Variants in CRB1 observed in about 807,000 individuals in gnomAD.
CRB1 encodes the protein crumbs cell polarity complex component 1.
In CRB1, 83 loss-of-function variants were observed where a neutral mutation model predicts 120.0. The ratio of observed to expected loss-of-function variants is 0.69; its 90% CI spans 0.58 to 0.83. The LOEUF is 0.83. CRB1 is among the 40% of genes least tolerant of loss of function. The pLI is 0.00. For synonymous variants in CRB1, 625 were observed against 612.5 expected, an observed-to-expected ratio of 1.02 and a Z score of -0.30; for missense variants, 1,699 against 1,687.6, an observed-to-expected ratio of 1.01 and a Z score of -0.12.
At chr1:197,363,837 C>A in intron 5 of CRB1, 1 of 825,492 alleles carries the variant, frequency 1.2e-6, no homozygotes, top group South Asian at 1.4e-5. Context: ...ATCTGAAGTT[C>A]ATCACCAGGA....
chr1:197,321,397 A>C (rs1658186090), intron 1 of CRB1, among the ~76,000 whole-genome samples: 1 of 152,258 alleles, frequency 6.6e-6, no homozygotes, highest in African/African-American at 2.4e-5. Flanking sequence ...CAGTAACCAC[A>C]GTAACCTAGG....
chr1:197,319,651 C>T (rs1309099575), intron 1 of CRB1, among the ~76,000 whole-genome samples: 2 of 151,890 alleles, frequency 1.3e-5, no homozygotes, highest in African/African-American at 2.4e-5. Context: ...TGTAATGTGT[C>T]ATCATTTCTC....
intron 11 of CRB1, among the ~76,000 whole-genome samples, chr1:197,450,183 C>T (rs768317735): frequency 7.2e-5 from 11 of 152,140 alleles, no homozygotes; most frequent in Non-Finnish European, 1.6e-4. Flanking sequence ...AAGGGTTACT[C>T]TAGTAGAAGC....
In CRB1 at chr1:197,367,291, G is replaced by A. The variant is rs536764904; in HGVS notation, c.1171+10278G>A. Among the ~76,000 whole-genome samples, 7 of 152,222 alleles carry A rather than the reference G, an allele frequency of 4.6e-5. No individual in the cohort carries two copies. The East Asian group carries it at 1.4e-3, about 29-fold the overall frequency. ...GAGAGTACATGGTCTCTTCCCAAGG[G>A]AAAATGAAAGAACAAGAGGAAAATG... On this transcript the variant is annotated intron_variant, in intron 5 of 11. Coordinates refer to ENST00000367400, the MANE Select transcript of CRB1 (RefSeq NM_201253.3).
At chr1:197,448,045 A>G (rs917897139) in intron 11 of CRB1, among the ~76,000 whole-genome samples, 1 of 152,056 alleles carries the variant, frequency 6.6e-6, no homozygotes, top group Non-Finnish European at 1.5e-5. Flanking sequence ...AAATCTTACA[A>G]ATCAATCTTT....
chr1:197,385,489 G>A (rs374769385), intron 5 of CRB1, among the ~76,000 whole-genome samples: 1 of 152,040 alleles, frequency 6.6e-6, no homozygotes. Context: ...CTCCTCCAGA[G>A]TCTTTCTCCT....
intron 5 of CRB1, among the ~76,000 whole-genome samples, chr1:197,385,964 G>C (rs1662194424): frequency 6.6e-6 from 1 of 151,952 alleles, no homozygotes; most frequent in Non-Finnish European, 1.5e-5. Context: ...TATCAAAAAG[G>C]AACTATCCAT....
At chr1:197,256,932 C>T in the CRB1 span, among the ~76,000 whole-genome samples, 6 of 141,400 alleles carry the variant, frequency 4.2e-5, no homozygotes, top group African/African-American at 1.6e-4. Context: ...ATAGGATTTG[C>T]GTGTGTGTGT....
chr1:197,449,729 G>A (rs893514335), intron 11 of CRB1, among the ~76,000 whole-genome samples: 1 of 152,130 alleles, frequency 6.6e-6, no homozygotes, highest in African/African-American at 2.4e-5. Flanking sequence ...TAGTCCTGTA[G>A]CAGTGCCCTC....
chr1:197,274,222 T>A (rs2125205035), intron 1 of CRB1, among the ~76,000 whole-genome samples: 1 of 152,188 alleles, frequency 6.6e-6, no homozygotes, highest in East Asian at 1.9e-4. Flanking sequence ...TCAGTATACA[T>A]ATATAGCGGT....
At chr1:197,324,056 A>G (rs938921273) in intron 1 of CRB1, among the ~76,000 whole-genome samples, 2 of 152,192 alleles carry the variant, frequency 1.3e-5, no homozygotes, top group Non-Finnish European at 1.5e-5. Context: ...AGAGGAGCTA[A>G]TAGTAGAATA....
intron 1 of CRB1, among the ~76,000 whole-genome samples, chr1:197,303,134 A>G (rs1226096502): frequency 6.6e-6 from 1 of 150,504 alleles, no homozygotes; most frequent in African/African-American, 2.4e-5. Context: ...TTTATTTATT[A>G]TTTTATTATT....
At chr1:197,384,664 A>T (rs1662124384) in intron 5 of CRB1, among the ~76,000 whole-genome samples, 1 of 152,120 alleles carries the variant, frequency 6.6e-6, no homozygotes, top group Admixed American at 6.6e-5. Flanking sequence ...AAATGGCCAA[A>T]TGAGAACCGA....
chr1:197,453,799 T>C (rs1275443250), intron 11 of CRB1, among the ~76,000 whole-genome samples: 2 of 143,410 alleles, frequency 1.4e-5, no homozygotes, highest in East Asian at 2.0e-4. Context: ...ATTAATATAT[T>C]AATAATAATA....
intron 5 of CRB1, among the ~76,000 whole-genome samples, chr1:197,397,744 C>G (rs991672666): frequency 6.6e-6 from 1 of 152,054 alleles, no homozygotes; most frequent in Admixed American, 6.6e-5. Flanking sequence ...ATTCATATTG[C>G]ATCTGGAAAG....
At chr1:197,326,979 T>G (rs1455736197) in intron 1 of CRB1, among the ~76,000 whole-genome samples, 5 of 151,612 alleles carry the variant, frequency 3.3e-5, no homozygotes, top group African/African-American at 1.2e-4. Context: ...AATTTTCTAT[T>G]AAGAACTCAA....
At chr1:197,321,832 G>C (rs1658214693) in intron 1 of CRB1, among the ~76,000 whole-genome samples, 1 of 152,144 alleles carries the variant, frequency 6.6e-6, no homozygotes, top group Non-Finnish European at 1.5e-5. Context: ...AATGGGAAAA[G>C]TACACTTTGC....
At chr1:197,320,239 G>A (rs1200124414) in intron 1 of CRB1, among the ~76,000 whole-genome samples, 2 of 152,124 alleles carry the variant, frequency 1.3e-5, no homozygotes, top group African/African-American at 2.4e-5. Context: ...TCACTCAAGG[G>A]CTCTTGCTTT....
At chr1:197,225,221 A>T in the CRB1 span, among the ~76,000 whole-genome samples, 2 of 151,932 alleles carry the variant, frequency 1.3e-5, no homozygotes, top group Non-Finnish European at 2.9e-5. Flanking sequence ...TTCTACAGCT[A>T]TGTTAACCTT....
Sources: allele counts gnomAD v4.1 joint callset (sites outside exome capture counted in the v4.1 genomes callset), GRCh38; gene constraint gnomAD v4.1.1; transcripts MANE v1.5; gene names NCBI Gene and HGNC (gene_info 2026-07-23, HGNC 2026-07-21).